GRIK1: variants seen among roughly 807,000 people sequenced by gnomAD.
GRIK1 encodes glutamate ionotropic receptor kainate type subunit 1, also known as glutamate receptor ionotropic, kainate 1.
Under a neutral mutation model 105.7 loss-of-function variants are expected in GRIK1, and 69 were observed. That is an observed-to-expected ratio of 0.65 (90% CI 0.54 to 0.80). The LOEUF (loss-of-function observed/expected upper bound fraction) is 0.80. Ranked by LOEUF, GRIK1 falls within the 30% of genes least tolerant of loss-of-function variation. The pLI, the probability that GRIK1 is intolerant of heterozygous loss-of-function variation, is 0.00. For synonymous variants in GRIK1, 438 were observed against 431.3 expected (o/e 1.02, Z -0.19); for missense variants, 1,109 against 1,167.3 (o/e 0.95, Z 0.73).
At chr21:29,913,837 A>C (rs2070903165) in intron 1 of GRIK1, among the ~76,000 whole-genome samples, 1 of 151,790 alleles carries the variant, frequency 6.6e-6, no homozygotes, top group Non-Finnish European at 1.5e-5. Flanking sequence ...TTTCTTTTTC[A>C]AGTTACACAT....
At chr21:29,853,825 C>A in intron 1 of GRIK1, among the ~76,000 whole-genome samples, 1 of 152,138 alleles carries the variant, frequency 6.6e-6, no homozygotes, top group East Asian at 1.9e-4. Flanking sequence ...AGACAATAAA[C>A]AAACATATAA....
At chr21:29,797,576 G>C (rs2145842794) in intron 1 of GRIK1, among the ~76,000 whole-genome samples, 1 of 152,202 alleles carries the variant, frequency 6.6e-6, no homozygotes, top group South Asian at 2.1e-4. Flanking sequence ...CCATCACACA[G>C]CCTCGTAATT....
Position 29,554,987 on chromosome 21 carries a change from A to G in GRIK1, c.2607+65T>C, listed in dbSNP as rs2090212339. 6.6e-6 allele frequency: 9 copies of G among 1,362,476 alleles called. No homozygotes were observed. In the South Asian group the frequency reaches 8.2e-5, roughly 12 times the overall value. The allele number at this position is 1,362,476 out of a possible 1,614,324, so 84.4% of individuals were successfully genotyped here. A position where few individuals can be genotyped will look rare whatever the true frequency, so the allele number is the denominator to read the frequency against. ...TGAAAAAGAGCAAACATCCTTAAAA[A>G]CCCCCAAACTTAAGACAGATAATGC... On this transcript the variant is annotated intron_variant, in intron 16 of 17. Transcript: ENST00000327783.
At chr21:29,787,058 T>C (rs2066278995) in intron 1 of GRIK1, among the ~76,000 whole-genome samples, 1 of 152,188 alleles carries the variant, frequency 6.6e-6, no homozygotes, top group Non-Finnish European at 1.5e-5. Context: ...CAAATTTAAA[T>C]TTAGTTTCAA....
At chr21:29,617,098 C>G (rs1162078615) in intron 7 of GRIK1, among the ~76,000 whole-genome samples, 1 of 152,048 alleles carries the variant, frequency 6.6e-6, no homozygotes, top group Non-Finnish European at 1.5e-5. Context: ...TTAGCAAACT[C>G]CCTTGAAAGT....
intron 1 of GRIK1, among the ~76,000 whole-genome samples, chr21:29,867,904 A>AAGAGAG (rs1491072291): frequency 0.038 from 2,190 of 57,166 alleles, 41 homozygotes; most frequent in Middle Eastern, 0.14. Context: ...GAGAGAGAGA[A>AAGAGAG]AGAAAGAGAG....
At chr21:29,776,022 C>T (rs116312318) in intron 1 of GRIK1, among the ~76,000 whole-genome samples, 3 of 152,322 alleles carry the variant, frequency 2.0e-5, no homozygotes, top group Non-Finnish European at 2.9e-5. Context: ...GGAAGCAACG[C>T]ACCTTCTTTA....
At chr21:29,732,465 C>A (rs2064658274) in intron 1 of GRIK1, among the ~76,000 whole-genome samples, 2 of 152,086 alleles carry the variant, frequency 1.3e-5, no homozygotes, top group South Asian at 4.1e-4. Flanking sequence ...AGTGATGCAT[C>A]CTAAATGGGC....
At chr21:29,890,000 C>T (rs2069832337) in intron 1 of GRIK1, among the ~76,000 whole-genome samples, 1 of 152,008 alleles carries the variant, frequency 6.6e-6, no homozygotes, top group African/African-American at 2.4e-5. Flanking sequence ...GTCTAGATCT[C>T]CTGGGACAGA....
chr21:29,717,645 T>A (rs796972976), intron 1 of GRIK1, among the ~76,000 whole-genome samples: 4 of 152,348 alleles, frequency 2.6e-5, no homozygotes, highest in African/African-American at 9.6e-5. Flanking sequence ...CACCCCCAAT[T>A]GTACCTAGGA....
chr21:29,712,633 GTT>G (rs2064084931), intron 1 of GRIK1, among the ~76,000 whole-genome samples: 1 of 152,056 alleles, frequency 6.6e-6, no homozygotes, highest in Non-Finnish European at 1.5e-5. Flanking sequence ...GTAGCTGAAC[GTT>G]TTTCCACAAT....
At chr21:29,602,027 A>G (rs1238951792) in intron 7 of GRIK1, among the ~76,000 whole-genome samples, 1 of 152,234 alleles carries the variant, frequency 6.6e-6, no homozygotes, top group African/African-American at 2.4e-5. Context: ...AAAAATAGCG[A>G]AATATCTTTG....
At chr21:29,902,875 C>G (rs928483804) in intron 1 of GRIK1, among the ~76,000 whole-genome samples, 1 of 152,140 alleles carries the variant, frequency 6.6e-6, no homozygotes, top group Non-Finnish European at 1.5e-5. Flanking sequence ...TACCTGACTT[C>G]AAACTACACT....
rs561517144 is a variant in GRIK1, at chr21:29,659,974, A to C, written c.727-5111T>G. 2.6e-5 allele frequency among the ~76,000 whole-genome samples: 4 copies of C among 152,162 alleles called. 1 individual carries two copies. The South Asian group carries it at 8.3e-4, about 32-fold the overall frequency. On this transcript the variant is annotated intron_variant, in intron 4 of 17. Transcript: ENST00000327783. ...TGAAACTCTGTTTCAAAACAAAACA[A>C]AACAAAAAAAACCCAACAACAACAA...
At chr21:29,895,131 G>T (rs2070086189) in intron 1 of GRIK1, among the ~76,000 whole-genome samples, 1 of 152,156 alleles carries the variant, frequency 6.6e-6, no homozygotes, top group Admixed American at 6.6e-5. Context: ...ACAAGCCTTG[G>T]AGTTAGAGGC....
At chr21:29,760,221 C>A (rs776159422) in intron 1 of GRIK1, among the ~76,000 whole-genome samples, 2 of 152,178 alleles carry the variant, frequency 1.3e-5, no homozygotes, top group African/African-American at 4.8e-5. Flanking sequence ...TGTTCTAGAG[C>A]CTCATCCTCT....
At chr21:29,605,181 C>A (rs1038003544) in intron 7 of GRIK1, among the ~76,000 whole-genome samples, 1 of 152,110 alleles carries the variant, frequency 6.6e-6, no homozygotes, top group African/African-American at 2.4e-5. Context: ...TTAAGCCCAG[C>A]ATCCATTAGC....
chr21:29,633,070 T>C (rs1454126983), intron 7 of GRIK1, among the ~76,000 whole-genome samples: 2 of 152,212 alleles, frequency 1.3e-5, no homozygotes, highest in East Asian at 1.9e-4. Context: ...AGGAATCTTA[T>C]AAAGGGGCTG....
At chr21:29,806,830 T>C (rs1026895366) in intron 1 of GRIK1, among the ~76,000 whole-genome samples, 2 of 152,198 alleles carry the variant, frequency 1.3e-5, no homozygotes, top group African/African-American at 4.8e-5. Context: ...CATTCATAAT[T>C]ATGTCTATCC....
Sources: gnomAD v4.1 joint callset for allele counts (sites outside exome capture counted in the v4.1 genomes callset) on GRCh38, gnomAD v4.1.1 for gene constraint, MANE v1.5 for transcripts, NCBI Gene and HGNC (gene_info 2026-07-23, HGNC 2026-07-21) for gene names.